The following SLC17A6 variants were observed in gnomAD, a reference collection of about 807,000 sequenced individuals.
SLC17A6 encodes the protein vesicular glutamate transporter 2.
A neutral mutation model predicts 67.1 loss-of-function variants in SLC17A6; 35 were observed. That is an observed-to-expected ratio of 0.52 (90% CI 0.40 to 0.69). The LOEUF (loss-of-function observed/expected upper bound fraction) is 0.69, where lower values mean the gene tolerates loss of function less well. SLC17A6 is among the 30% of genes least tolerant of loss of function. The pLI is 0.00. For synonymous variants in SLC17A6, 285 were observed against 252.3 expected, an observed-to-expected ratio of 1.13 and a Z score of -1.23; for missense variants, 588 against 723.9, an observed-to-expected ratio of 0.81 and a Z score of 2.15.
chr11:22,373,832 A>T (rs1450326306), intron 8 of SLC17A6, among the ~76,000 whole-genome samples: 1 of 152,186 alleles, frequency 6.6e-6, no homozygotes, highest in Non-Finnish European at 1.5e-5. Context: ...CAAATCCATG[A>T]TTGTGATACC....
In SLC17A6 at chr11:22,378,106, G is replaced by T. The variant is rs564481126; in HGVS notation, c.*366G>T. 18 of 250,722 alleles carry T rather than the reference G, an allele frequency of 7.2e-5. No homozygotes were observed. Among genetic ancestry groups the T allele is most frequent in the African/African-American group, 3.5e-4 (16 of 45,310 alleles). 15.5% of individuals were successfully genotyped at this position (250,722 alleles called of 1,614,324 possible). On this transcript the variant is annotated 3_prime_UTR_variant, in exon 12 of 12. Coordinates refer to ENST00000263160, the MANE Select transcript of SLC17A6 (RefSeq NM_020346.3). ...CCAAAGCTACTTGATCATGCAAAAT[G>T]CACTTATATATTTGTTACACTGTAT...
chr11:22,341,908 T>C, intron 2 of SLC17A6, 128 bp downstream of exon 2: 2 of 1,359,244 alleles, frequency 1.5e-6, no homozygotes, highest in Non-Finnish European at 2.0e-6. Flanking sequence ...AGCTCCTCTC[T>C]GGCTCTGCCG....
chr11:22,365,532 A>T lies in SLC17A6; in HGVS notation c.749-15A>T. On this transcript the variant is annotated splice_polypyrimidine_tract_variant and intron_variant, in intron 6 of 11. Coordinates refer to ENST00000263160, the MANE Select transcript of SLC17A6 (RefSeq NM_020346.3). ...AAATGGAAGTGACTTTCTCCTTCTG[A>T]ACTGTTGCTTGCAGGAAGCTTTGGA... 6.2e-7 allele frequency: 1 copy of T among 1,613,758 alleles called. No homozygotes were observed. Among genetic ancestry groups the T allele is most frequent in the Non-Finnish European group, 8.5e-7 (1 of 1,179,758 alleles).
rs527723180 is a variant in SLC17A6, at chr11:22,377,636, C to T, written c.1645C>T (p.Gln549Ter). The T allele has an allele frequency of 6.2e-7, 1 of 1,614,080 alleles. No homozygotes were observed. Among genetic ancestry groups the T allele is most frequent in the Admixed American group, 1.7e-5 (1 of 60,022 alleles). ...GTTKSYGATT[Q>*]ANGGWPSGWE... ...CACCAAGTCTTATGGTGCCACAACA[C>T]AGGCCAATGGAGGTTGGCCTAGTGG... The change falls in exon 12 of 12, where the codon CAG (glutamine) becomes TAG (stop). Residue 549 changes from glutamine to a stop codon, truncating the protein, a stop_gained. Transcript: ENST00000263160. LOFTEE classifies it high-confidence loss of function.
intron 11 of SLC17A6, 73 bp downstream of exon 11, chr11:22,376,745 T>C (rs2133880236): frequency 2.0e-6 from 3 of 1,502,648 alleles, no homozygotes; most frequent in Non-Finnish European, 2.8e-6. Context: ...GGAAAAGAGT[T>C]AAAATATTAT....
chr11:22,367,050 G>T (rs906077590), intron 7 of SLC17A6, among the ~76,000 whole-genome samples: 15 of 147,676 alleles, frequency 1.0e-4, no homozygotes, highest in African/African-American at 3.7e-4. Flanking sequence ...AGTAAAATTA[G>T]TGTATTTAGA....
intron 8 of SLC17A6, among the ~76,000 whole-genome samples, chr11:22,373,708 T>A (rs988318174): frequency 2.0e-5 from 3 of 152,206 alleles, no homozygotes; most frequent in African/African-American, 7.2e-5. Flanking sequence ...AAATTTTTTT[T>A]ATTTAATAAG....
intron 10 of SLC17A6, 93 bp downstream of exon 10, chr11:22,376,185 A>G (rs1192404268): frequency 8.4e-6 from 6 of 715,528 alleles, no homozygotes; most frequent in African/African-American, 1.8e-5. Context: ...AGATATCTTC[A>G]TATATATATT....
chr11:22,352,822 A>T (rs1855956951), intron 3 of SLC17A6, among the ~76,000 whole-genome samples: 2 of 152,190 alleles, frequency 1.3e-5, no homozygotes, highest in Admixed American at 6.5e-5. Context: ...TTATTGATTT[A>T]AAAAAGACTG....
At chr11:22,361,113 G>GT (rs1428485276) in intron 5 of SLC17A6, 129 bp downstream of exon 5, 4 of 596,772 alleles carry the variant, frequency 6.7e-6, no homozygotes, top group Non-Finnish European at 1.2e-5. Context: ...GAGTGGTAAG[G>GT]TTTTTGACCA....
At position 22,350,274 on chromosome 11, in the gene SLC17A6, A is replaced by T. The variant is rs142711775; in HGVS notation, c.458+6909A>T. On this transcript the variant is annotated intron_variant, in intron 3 of 11. Transcript: ENST00000263160. Reference sequence around the variant, plus strand: ...TGATTTTGGCAATCTCTATAGTGGTATAGAGCTTCCTGCCATTTAAGAACA... The same window carrying T: ...TGATTTTGGCAATCTCTATAGTGGTTTAGAGCTTCCTGCCATTTAAGAACA... 4.3e-4 allele frequency among the ~76,000 whole-genome samples: 65 copies of T among 152,304 alleles called. No individual in the cohort carries two copies. The East Asian group carries it at 8.7e-3, about 20-fold the overall frequency.
At position 22,360,887 on chromosome 11, in the gene SLC17A6, C is replaced by T. The variant is rs201427124; in HGVS notation, c.574-10C>T. ...ATGGTGACAGTGATGAGTATCTTCC[C>T]CCATCACAGGGTGTGACCTACCCAG... On this transcript the variant is annotated splice_polypyrimidine_tract_variant and intron_variant, in intron 4 of 11. Coordinates refer to ENST00000263160, the MANE Select transcript of SLC17A6 (RefSeq NM_020346.3). The T allele has an allele frequency of 1.2e-6, 2 of 1,612,546 alleles. No individual in the cohort carries two copies. The highest frequency in any genetic ancestry group is 1.3e-5 in the African/African-American group (1 of 74,984).
At chr11:22,354,847 A>T (rs997385494) in intron 3 of SLC17A6, among the ~76,000 whole-genome samples, 15 of 152,234 alleles carry the variant, frequency 9.9e-5, no homozygotes, top group African/African-American at 3.6e-4. Context: ...TTCAGTAAAA[A>T]TGAGAATCTA....
At chr11:22,354,995 C>G (rs1855981072) in intron 3 of SLC17A6, among the ~76,000 whole-genome samples, 1 of 152,190 alleles carries the variant, frequency 6.6e-6, no homozygotes, top group Admixed American at 6.5e-5. Flanking sequence ...TTTAGCCTAA[C>G]AGTAATCCTA....
At chr11:22,358,917 C>T (rs1856018949) in intron 3 of SLC17A6, among the ~76,000 whole-genome samples, 1 of 152,108 alleles carries the variant, frequency 6.6e-6, no homozygotes, top group Non-Finnish European at 1.5e-5. Flanking sequence ...TGTGCAGCTT[C>T]TAGGAAAGCT....
At chr11:22,343,394 G>T (rs749715107) in intron 3 of SLC17A6, 29 bp downstream of exon 3, 3 of 1,570,374 alleles carry the variant, frequency 1.9e-6, no homozygotes, top group Non-Finnish European at 2.6e-6. Flanking sequence ...CTGGGGCTCG[G>T]GGCGTGGTGT....
chr11:22,369,750 G>C (rs577036138), intron 7 of SLC17A6, among the ~76,000 whole-genome samples: 1 of 151,628 alleles, frequency 6.6e-6, no homozygotes, highest in Non-Finnish European at 1.5e-5. Flanking sequence ...TAAGAAACTA[G>C]GACCTATGCT....
At chr11:22,338,736 T>C in intron 1 of SLC17A6, 117 bp downstream of exon 1, 2 of 744,736 alleles carry the variant, frequency 2.7e-6, no homozygotes, top group Non-Finnish European at 4.6e-6. Flanking sequence ...GTCTTTTTGT[T>C]GCCCATTGCT....
At chr11:22,362,224 C>T in intron 5 of SLC17A6, 1 of 471,596 alleles carries the variant, frequency 2.1e-6, no homozygotes, top group Non-Finnish European at 4.1e-6. Flanking sequence ...ACCTTGATGA[C>T]ATCTTCTGGC....
Sources: allele counts gnomAD v4.1 joint callset (sites outside exome capture counted in the v4.1 genomes callset), GRCh38; gene constraint gnomAD v4.1.1; transcripts MANE v1.5; gene names NCBI Gene and HGNC (gene_info 2026-07-23, HGNC 2026-07-21).